RERE: variants seen among roughly 807,000 people sequenced by gnomAD.
RERE encodes arginine-glutamic acid dipeptide repeats protein.
In RERE, 40 loss-of-function variants were observed where a neutral mutation model predicts 146.1. The observed-to-expected ratio is 0.27, with a 90% CI of 0.21 to 0.36. The LOEUF (loss-of-function observed/expected upper bound fraction) is 0.36. RERE is among the 10% of genes least tolerant of loss of function. The pLI is 1.00. For synonymous variants in RERE, 1,003 were observed against 866.0 expected, an observed-to-expected ratio of 1.16 and a Z score of -2.78; for missense variants, 1,933 against 2,138.7, an observed-to-expected ratio of 0.90 and a Z score of 1.90.
chr1:8,790,733 G>A (rs201024300), intron 1 of RERE, among the ~76,000 whole-genome samples: 1 of 152,150 alleles, frequency 6.6e-6, no homozygotes, highest in East Asian at 1.9e-4. Flanking sequence ...ATAGGCATGC[G>A]CCACCATGCC....
intron 1 of RERE, among the ~76,000 whole-genome samples, chr1:8,814,093 C>T (rs1312856547): frequency 6.6e-6 from 1 of 152,152 alleles, no homozygotes; most frequent in African/African-American, 2.4e-5. Flanking sequence ...CCCCTGAATC[C>T]ATTCCCACTG....
In RERE at chr1:8,433,600, T is replaced by TCGGACTG. The variant is rs570616954; in HGVS notation, c.1204-10800_1204-10794dup. 4.1e-3 allele frequency among the ~76,000 whole-genome samples: 593 copies of TCGGACTG among 146,240 alleles called. 3 individuals carry two copies. The highest frequency in any genetic ancestry group is 0.015 in the African/African-American group (569 of 38,662). On this transcript the variant is annotated intron_variant, in intron 11 of 22. Coordinates refer to ENST00000400908, the MANE Select transcript of RERE (RefSeq NM_001042681.2). ...ACGGAGTCTCGCTCTGTCGCCCAGGTCGGACTGCGGACTGCAGTGGCGCAA... is the reference window on the plus strand; with the variant it reads ...ACGGAGTCTCGCTCTGTCGCCCAGGTCGGACTGCGGACTGCGGACTGCAGTGGCGCAA...
In RERE at chr1:8,364,908, G is replaced by C; in HGVS notation, c.1448-70C>G. ...TGCTCAGCCAAGGCTGGGCCGGTGG[G>C]GTGGGGGGGAGGGGGGAACACCTGT... is the stretch of plus-strand genomic sequence containing the variant. On this transcript the variant is annotated intron_variant, in intron 13 of 22. Transcript: ENST00000400908. This position sits in a 1 kb window ranked among gnomAD's most constrained non-coding sequence, Gnocchi z 5.1. The C allele has an allele frequency of 1.3e-6, 1 of 776,104 alleles. No individual in the cohort carries two copies. The highest frequency in any genetic ancestry group is 2.1e-5 in the Admixed American group (1 of 47,306). The allele number at this position is 776,104 out of a possible 1,614,324, so 48.1% of individuals were successfully genotyped here. A position where few individuals can be genotyped will look rare whatever the true frequency, so the allele number is the denominator to read the frequency against.
chr1:8,657,692 C>G (rs1638354865), intron 1 of RERE, among the ~76,000 whole-genome samples: 1 of 152,046 alleles, frequency 6.6e-6, no homozygotes, highest in Non-Finnish European at 1.5e-5. Flanking sequence ...ACTAAACACA[C>G]AAAAAGTAGC....
chr1:8,752,031 A>G (rs553581991), intron 1 of RERE, among the ~76,000 whole-genome samples: 28 of 152,188 alleles, frequency 1.8e-4, no homozygotes, highest in Admixed American at 1.8e-3. Context: ...GCACTAATCT[A>G]GAATAACCCA....
chr1:8,471,878 C>A (rs1362825568), intron 10 of RERE, among the ~76,000 whole-genome samples: 1 of 152,156 alleles, frequency 6.6e-6, no homozygotes, highest in Non-Finnish European at 1.5e-5. Flanking sequence ...ATGGCATGAT[C>A]TCGGCTCATT....
chr1:8,360,082 T>C (rs952043449), intron 18 of RERE, 30 bp downstream of exon 18: 1 of 1,471,426 alleles, frequency 6.8e-7, no homozygotes, highest in Non-Finnish European at 9.2e-7. Flanking sequence ...CACCTGTGCC[T>C]GACCCGTCCT....
At chr1:8,674,150 G>A (rs945831570) in intron 1 of RERE, among the ~76,000 whole-genome samples, 1 of 152,144 alleles carries the variant, frequency 6.6e-6, no homozygotes, top group Non-Finnish European at 1.5e-5. Flanking sequence ...TATAGCAAAT[G>A]TAAAATGCAA....
chr1:8,397,920 C>T (rs1643110269), intron 12 of RERE, among the ~76,000 whole-genome samples: 2 of 152,226 alleles, frequency 1.3e-5, no homozygotes, highest in Admixed American at 1.3e-4. Flanking sequence ...TCTTGAGCAT[C>T]TAGGTGCAAG....
chr1:8,517,312 T>C (rs1284423020), intron 7 of RERE, among the ~76,000 whole-genome samples: 1 of 152,214 alleles, frequency 6.6e-6, no homozygotes, highest in East Asian at 1.9e-4. Context: ...TGTACACAGC[T>C]GAACCAGTAA....
chr1:8,567,409 CAGAA>C (rs1646165932), intron 4 of RERE, among the ~76,000 whole-genome samples: 2 of 152,254 alleles, frequency 1.3e-5, no homozygotes, highest in South Asian at 4.1e-4. Flanking sequence ...TACAAACACT[CAGAA>C]AGATGATGTA....
chr1:8,464,273 C>A (rs753136714), intron 11 of RERE, among the ~76,000 whole-genome samples: 6 of 152,172 alleles, frequency 3.9e-5, no homozygotes, highest in Admixed American at 3.9e-4. Context: ...ATCTCAGCTC[C>A]GCCTAGCTTT....
chr1:8,666,652 T>C (rs1243880877), intron 1 of RERE, among the ~76,000 whole-genome samples: 1 of 152,226 alleles, frequency 6.6e-6, no homozygotes, highest in African/African-American at 2.4e-5. Flanking sequence ...TCATAAACAG[T>C]AACCTGATGT....
At chr1:8,388,359 C>T (rs1346833731) in intron 12 of RERE, among the ~76,000 whole-genome samples, 4 of 150,560 alleles carry the variant, frequency 2.7e-5, no homozygotes, top group African/African-American at 9.8e-5. Flanking sequence ...GTCGCCCAGG[C>T]TGGACTGCGG....
At chr1:8,588,455 C>CT (rs1420731595) in intron 4 of RERE, among the ~76,000 whole-genome samples, 2 of 152,168 alleles carry the variant, frequency 1.3e-5, no homozygotes, top group African/African-American at 2.4e-5. Flanking sequence ...TCCAGTCTCT[C>CT]TGGGTGGCCA....
intron 4 of RERE, among the ~76,000 whole-genome samples, chr1:8,610,129 A>G (rs1171796753): frequency 6.6e-6 from 1 of 152,184 alleles, no homozygotes; most frequent in African/African-American, 2.4e-5. Context: ...CTTAACTTTT[A>G]AATTATTTTC....
At chr1:8,395,537 T>C (rs1204199661) in intron 12 of RERE, among the ~76,000 whole-genome samples, 1 of 149,340 alleles carries the variant, frequency 6.7e-6, no homozygotes, top group Non-Finnish European at 1.5e-5. Context: ...AAAAGGAACC[T>C]CTCCTGCTCA....
chr1:8,784,360 C>T (rs985506943), intron 1 of RERE, among the ~76,000 whole-genome samples: 1 of 152,118 alleles, frequency 6.6e-6, no homozygotes, highest in Non-Finnish European at 1.5e-5. Context: ...TTTTCCACAG[C>T]ATTTATCATA....
chr1:8,595,472 T>C (rs1250324021), intron 4 of RERE, among the ~76,000 whole-genome samples: 1 of 151,692 alleles, frequency 6.6e-6, no homozygotes, highest in African/African-American at 2.4e-5. Context: ...TAATGTTTTA[T>C]TTTTATGTAT....
Sources: gnomAD v4.1 joint callset for allele counts (sites outside exome capture counted in the v4.1 genomes callset) on GRCh38, gnomAD v4.1.1 for gene constraint, Gnocchi (gnomAD v3.1) non-coding constraint, MANE v1.5 for transcripts, NCBI Gene and HGNC (gene_info 2026-07-23, HGNC 2026-07-21) for gene names.